The following EHBP1 variants were observed in gnomAD, a reference collection of about 807,000 sequenced individuals.
The protein encoded by EHBP1 is EH domain-binding protein 1.
In EHBP1, 55 loss-of-function variants were observed where a neutral mutation model predicts 144.0. That is an observed-to-expected ratio of 0.38 (90% CI 0.31 to 0.48). The LOEUF is 0.48. Ranked by LOEUF, EHBP1 falls within the 20% of genes least tolerant of loss-of-function variation. The pLI is 0.98. For synonymous variants in EHBP1, 469 were observed against 472.7 expected (o/e 0.99, Z 0.10); for missense variants, 1,200 against 1,364.2 (o/e 0.88, Z 1.90).
chr2:62,933,752 A>G (rs2056177663), intron 10 of EHBP1, among the ~76,000 whole-genome samples: 1 of 152,336 alleles, frequency 6.6e-6, no homozygotes, highest in Non-Finnish European at 1.5e-5. Flanking sequence ...ATGATTTTAT[A>G]GTAATCAGTT....
At chr2:62,934,701 T>C (rs1484572515) in intron 10 of EHBP1, among the ~76,000 whole-genome samples, 1 of 152,188 alleles carries the variant, frequency 6.6e-6, no homozygotes, top group African/African-American at 2.4e-5. Flanking sequence ...CCAAGGGACA[T>C]GCTTGGTTAC....
At chr2:62,683,266 A>G (rs561627929) in intron 1 of EHBP1, among the ~76,000 whole-genome samples, 5 of 152,272 alleles carry the variant, frequency 3.3e-5, no homozygotes, top group African/African-American at 9.6e-5. Context: ...AAACAGAGAC[A>G]ATACTCTTGC....
At chr2:62,944,496 G>T (rs1414931940) in intron 12 of EHBP1, among the ~76,000 whole-genome samples, 1 of 152,152 alleles carries the variant, frequency 6.6e-6, no homozygotes, top group Non-Finnish European at 1.5e-5. Context: ...TATAGCCTAG[G>T]TATGTAGTAG....
intron 10 of EHBP1, among the ~76,000 whole-genome samples, chr2:62,902,693 A>G (rs2053510402): frequency 6.6e-6 from 1 of 152,226 alleles, no homozygotes; most frequent in South Asian, 2.1e-4. Context: ...CTGTTAGGTT[A>G]TAAATGAAAA....
intron 10 of EHBP1, among the ~76,000 whole-genome samples, chr2:62,894,161 C>A (rs1179986051): frequency 6.6e-6 from 1 of 152,066 alleles, no homozygotes; most frequent in African/African-American, 2.4e-5. Context: ...AACTGTCCTG[C>A]AAACTAGGAG....
At chr2:62,879,766 A>G (rs2051235221) in intron 10 of EHBP1, among the ~76,000 whole-genome samples, 1 of 152,168 alleles carries the variant, frequency 6.6e-6, no homozygotes, top group African/African-American at 2.4e-5. Flanking sequence ...TCAATATTAA[A>G]ATGGCCTTAT....
At chr2:62,854,367 T>C (rs2048882588) in intron 7 of EHBP1, among the ~76,000 whole-genome samples, 1 of 152,254 alleles carries the variant, frequency 6.6e-6, no homozygotes, top group South Asian at 2.1e-4. Context: ...TCATAACTTG[T>C]CTAACTGTTT....
intron 5 of EHBP1, among the ~76,000 whole-genome samples, chr2:62,785,932 T>C (rs1261717373): frequency 1.3e-5 from 2 of 152,192 alleles, no homozygotes; most frequent in African/African-American, 4.8e-5. Flanking sequence ...TCAGAGGTAG[T>C]GATCTCATTT....
chr2:62,722,012 T>A lies in EHBP1; in HGVS notation c.104+14717T>A, dbSNP rs554827243. 2.8e-4 allele frequency among the ~76,000 whole-genome samples: 42 copies of A among 152,332 alleles called. No homozygotes were observed. The East Asian group carries it at 8.1e-3, about 29-fold the overall frequency. Reference sequence around the variant, plus strand: ...AGTGGCAACATTTTACCATATTTGCTTTATCAATCTCTCTTAAGCTATTTT... The same window carrying A: ...AGTGGCAACATTTTACCATATTTGCATTATCAATCTCTCTTAAGCTATTTT... On this transcript the variant is annotated intron_variant, in intron 2 of 22. Transcript: ENST00000431489.
In EHBP1 at chr2:63,045,011, G is replaced by A; in HGVS notation, c.3278-55G>A. ...GAAAAGGCGGGAAGGGGAGGGCGGG[G>A]GGCCGGGTGTTCGGAGGCCCTGCCG... On this transcript the variant is annotated intron_variant, in intron 21 of 22. Coordinates refer to ENST00000431489, the MANE Select transcript of EHBP1 (RefSeq NM_001142616.3). The surrounding 1 kb of genome is among the most constrained non-coding windows in gnomAD (Gnocchi z 5.7). 8.5e-7 allele frequency: 1 copy of A among 1,179,452 alleles called. No homozygotes were observed. Among genetic ancestry groups the A allele is most frequent in the East Asian group, 3.8e-5 (1 of 26,546 alleles). 73.1% of individuals were successfully genotyped at this position (1,179,452 alleles called of 1,614,324 possible). A position where few individuals can be genotyped will look rare whatever the true frequency, so the allele number is the denominator to read the frequency against.
chr2:62,781,351 A>G (rs1179670550), intron 5 of EHBP1, among the ~76,000 whole-genome samples: 1 of 152,156 alleles, frequency 6.6e-6, no homozygotes, highest in Non-Finnish European at 1.5e-5. Flanking sequence ...ATTTGATTCA[A>G]ATTCATTTGG....
At chr2:62,889,366 A>G (rs894558858) in intron 10 of EHBP1, among the ~76,000 whole-genome samples, 5 of 151,478 alleles carry the variant, frequency 3.3e-5, no homozygotes, top group Admixed American at 6.6e-5. Context: ...TACTCTATTG[A>G]TAGTTTCTTT....
chr2:62,746,210 A>G lies in EHBP1; in HGVS notation c.105-1185A>G, dbSNP rs2039136759. Among the ~76,000 whole-genome samples, 5 of 152,030 alleles carry G rather than the reference A, an allele frequency of 3.3e-5. No homozygotes were observed. In the South Asian group the frequency reaches 6.2e-4, roughly 19 times the overall value. Reference sequence around the variant, plus strand: ...CTATCATGTTGTTATACCGCACTCCATTCTTACTCACTGGAATTGTCCTAG... The same window carrying G: ...CTATCATGTTGTTATACCGCACTCCGTTCTTACTCACTGGAATTGTCCTAG... On this transcript the variant is annotated intron_variant, in intron 2 of 22. Coordinates refer to ENST00000431489, the MANE Select transcript of EHBP1 (RefSeq NM_001142616.3).
intron 10 of EHBP1, among the ~76,000 whole-genome samples, chr2:62,934,035 T>C (rs963889544): frequency 1.3e-5 from 2 of 152,232 alleles, no homozygotes; most frequent in Non-Finnish European, 2.9e-5. Flanking sequence ...GCTGTGAACA[T>C]TTTTGCATAT....
At chr2:63,022,252 G>T (rs914634089) in intron 19 of EHBP1, among the ~76,000 whole-genome samples, 1 of 151,978 alleles carries the variant, frequency 6.6e-6, no homozygotes, top group Non-Finnish European at 1.5e-5. Flanking sequence ...CTATTGTGGA[G>T]ACATTGCCAG....
At chr2:62,934,165 A>C (rs2056207684) in intron 10 of EHBP1, among the ~76,000 whole-genome samples, 1 of 152,144 alleles carries the variant, frequency 6.6e-6, no homozygotes. Flanking sequence ...AACTTTTTTC[A>C]TCAGCCCTGT....
intron 14 of EHBP1, among the ~76,000 whole-genome samples, chr2:62,963,890 T>C (rs1426941575): frequency 2.6e-5 from 4 of 152,216 alleles, no homozygotes; most frequent in Admixed American, 6.5e-5. Context: ...CACCAAAAGA[T>C]TTAATGTACA....
At chr2:62,772,515 A>G (rs1052130678) in intron 5 of EHBP1, among the ~76,000 whole-genome samples, 1 of 152,246 alleles carries the variant, frequency 6.6e-6, no homozygotes, top group East Asian at 1.9e-4. Context: ...TTCTCTCCAA[A>G]CATTTATTAA....
intron 14 of EHBP1, among the ~76,000 whole-genome samples, chr2:62,967,754 A>G (rs1197092590): frequency 6.6e-6 from 1 of 152,208 alleles, no homozygotes; most frequent in Non-Finnish European, 1.5e-5. Flanking sequence ...ATTCCAAAAC[A>G]TAGTTAACTA....
Sources: gnomAD v4.1 joint callset for allele counts (sites outside exome capture counted in the v4.1 genomes callset) on GRCh38, gnomAD v4.1.1 for gene constraint, Gnocchi (gnomAD v3.1) non-coding constraint, MANE v1.5 for transcripts, NCBI Gene and HGNC (gene_info 2026-07-23, HGNC 2026-07-21) for gene names.